The following SBF2 variants were observed in gnomAD, a reference collection of about 807,000 sequenced individuals.
SBF2 encodes myotubularin-related protein 13.
A neutral mutation model predicts 225.2 loss-of-function variants in SBF2; 112 were observed. The ratio of observed to expected loss-of-function variants is 0.50; its 90% CI spans 0.43 to 0.58. The LOEUF (loss-of-function observed/expected upper bound fraction) is 0.58, where lower values mean the gene tolerates loss of function less well. Among genes scored for constraint, SBF2 ranks in the 20% least tolerant of loss-of-function variants. The pLI, the probability that SBF2 is intolerant of heterozygous loss-of-function variation, is 0.00. For missense variants in SBF2, 1,996 were observed against 2,206.2 expected, an observed-to-expected ratio of 0.90 and a Z score of 1.91; for synonymous variants, 763 against 773.3, an observed-to-expected ratio of 0.99 and a Z score of 0.22.
chr11:10,193,023 A>G (rs1235177437), intron 2 of SBF2, among the ~76,000 whole-genome samples: 1 of 152,210 alleles, frequency 6.6e-6, no homozygotes, highest in Non-Finnish European at 1.5e-5. Context: ...CAACCAATAA[A>G]TTCCTTTAAA....
intron 17 of SBF2, among the ~76,000 whole-genome samples, chr11:9,868,366 A>AAAAAAAAAAAAAAG (rs1554933292): frequency 1.7e-4 from 20 of 114,920 alleles, no homozygotes; most frequent in South Asian, 2.8e-4. Context: ...AAAAAAAAAA[A>AAAAAAAAAAAAAAG]AATTAGGCGG....
At chr11:9,817,172 A>C in intron 28 of SBF2, 148 bp from the exon 29 acceptor site, 1 of 795,620 alleles carries the variant, frequency 1.3e-6, no homozygotes, top group African/African-American at 1.7e-5. Context: ...GTCATTTGCT[A>C]CTTCTGTAAC....
At chr11:10,167,666 T>C (rs886189380) in intron 2 of SBF2, among the ~76,000 whole-genome samples, 2 of 152,240 alleles carry the variant, frequency 1.3e-5, no homozygotes, top group African/African-American at 4.8e-5. Flanking sequence ...CCTAGATCAT[T>C]TGCTTTTCTT....
At position 10,249,099 on chromosome 11, in the gene SBF2, A is replaced by C. The variant is rs971851934; in HGVS notation, c.55+44916T>G. On this transcript the variant is annotated intron_variant, in intron 1 of 39. Coordinates refer to ENST00000256190, the MANE Select transcript of SBF2 (RefSeq NM_030962.4). Reference sequence around the variant, plus strand: ...TGACAGAGCAAGACTCCGTCTCAACAAAAAAAAAAAAGAAAGAAATTCTAT... The same window carrying C: ...TGACAGAGCAAGACTCCGTCTCAACCAAAAAAAAAAAGAAAGAAATTCTAT... Among the ~76,000 whole-genome samples, 3 of 116,932 alleles carry C rather than the reference A, an allele frequency of 2.6e-5. No homozygotes were observed. The South Asian group carries it at 7.4e-4, about 29-fold the overall frequency. 76.7% of individuals were successfully genotyped at this position (116,932 alleles called of 152,430 possible).
In SBF2 at chr11:10,012,180, C is replaced by G. The variant is rs974038427; in HGVS notation, c.620-9491G>C. ...ATTTATTTTGAGAAAGGGTCTTACT[C>G]TGTTGCTCAGGCTGTAGTGCAGTGG... On this transcript the variant is annotated intron_variant, in intron 6 of 39. Transcript: ENST00000256190. Among the ~76,000 whole-genome samples, 4 of 152,176 alleles carry G rather than the reference C, an allele frequency of 2.6e-5. No individual in the cohort carries two copies. In the East Asian group the frequency reaches 7.7e-4, roughly 29 times the overall value.
chr11:10,270,184 G>T (rs1325290728), intron 1 of SBF2, among the ~76,000 whole-genome samples: 2 of 151,834 alleles, frequency 1.3e-5, no homozygotes, highest in African/African-American at 4.8e-5. Context: ...ATACAAAGTT[G>T]TCCCTGGAAT....
At position 9,829,613 on chromosome 11, in the gene SBF2, A is replaced by C; in HGVS notation, c.3653-117T>G. The C allele has an allele frequency of 6.7e-6, 6 of 892,416 alleles. 1 individual carries two copies. The South Asian group carries it at 8.7e-5, about 13-fold the overall frequency. 55.3% of individuals were successfully genotyped at this position (892,416 alleles called of 1,614,324 possible). Reference sequence around the variant, plus strand: ...GCTTATTTTTCTCTATATAGTCTACAAGTTACCACACCCAAATATAGAAAC... The same window carrying C: ...GCTTATTTTTCTCTATATAGTCTACCAGTTACCACACCCAAATATAGAAAC... On this transcript the variant is annotated intron_variant, in intron 27 of 39. Coordinates refer to ENST00000256190, the MANE Select transcript of SBF2 (RefSeq NM_030962.4).
chr11:10,204,924 C>T (rs918465604), intron 1 of SBF2, among the ~76,000 whole-genome samples: 2 of 151,268 alleles, frequency 1.3e-5, no homozygotes, highest in African/African-American at 2.4e-5. Context: ...GTGGTGATGT[C>T]GCATGTTCCC....
At chr11:10,222,930 A>C (rs1958393864) in intron 1 of SBF2, among the ~76,000 whole-genome samples, 1 of 152,072 alleles carries the variant, frequency 6.6e-6, no homozygotes, top group Admixed American at 6.6e-5. Flanking sequence ...AATGAGTTTC[A>C]ATAACCTTAT....
At chr11:10,045,781 A>G (rs1380050417) in intron 2 of SBF2, among the ~76,000 whole-genome samples, 1 of 152,230 alleles carries the variant, frequency 6.6e-6, no homozygotes, top group Non-Finnish European at 1.5e-5. Flanking sequence ...GACAATCAGC[A>G]TAGTCCTATA....
chr11:9,851,066 G>T (rs534846036), intron 21 of SBF2, among the ~76,000 whole-genome samples: 1 of 151,358 alleles, frequency 6.6e-6, no homozygotes, highest in African/African-American at 2.4e-5. Context: ...AACCTGGGAG[G>T]GGGAGGTTGC....
Position 10,172,388 on chromosome 11 carries a change from T to A in SBF2, c.141+21514A>T, listed in dbSNP as rs1443011869. On this transcript the variant is annotated intron_variant, in intron 2 of 39. Coordinates refer to ENST00000256190, the MANE Select transcript of SBF2 (RefSeq NM_030962.4). ...TTTTTTTTGAGAAGGAGTCTTGCTC[T>A]GTCTCCCAGGATGAAGCACAATGGC... Among the ~76,000 whole-genome samples the A allele has an allele frequency of 2.6e-5, 4 of 152,164 alleles. No homozygotes were observed. The South Asian group carries it at 8.3e-4, about 32-fold the overall frequency.
At chr11:9,795,730 A>C in intron 33 of SBF2, 101 bp downstream of exon 33, 2 of 1,424,370 alleles carry the variant, frequency 1.4e-6, no homozygotes, top group Non-Finnish European at 2.0e-6. Flanking sequence ...TTAAACCTTA[A>C]CTCAGCTTGT....
chr11:10,223,334 A>G (rs950075583), intron 1 of SBF2, among the ~76,000 whole-genome samples: 2 of 146,202 alleles, frequency 1.4e-5, no homozygotes, highest in African/African-American at 2.5e-5. Flanking sequence ...CTCTTCAACA[A>G]CTTAGCTACT....
chr11:9,864,025 A>C (rs1393444395), intron 17 of SBF2, among the ~76,000 whole-genome samples: 4 of 152,210 alleles, frequency 2.6e-5, no homozygotes, highest in African/African-American at 9.6e-5. Flanking sequence ...ATCAGGAACA[A>C]AACACAACTG....
chr11:10,152,442 G>A (rs1033427665), intron 2 of SBF2, among the ~76,000 whole-genome samples: 9 of 151,952 alleles, frequency 5.9e-5, no homozygotes, highest in East Asian at 1.9e-4. Context: ...CCAGCTGGTC[G>A]GGAGGCTGAG....
intron 1 of SBF2, among the ~76,000 whole-genome samples, chr11:10,231,979 T>G (rs1018684906): frequency 6.6e-6 from 1 of 152,202 alleles, no homozygotes; most frequent in African/African-American, 2.4e-5. Flanking sequence ...CCCGGCCGCT[T>G]TGTTTACCTA....
chr11:10,049,300 T>A lies in SBF2; in HGVS notation c.142-6319A>T, dbSNP rs562536212. ...TTTGTTATTTAAAAGTGGGTAAATT[T>A]AAAAAAAAATTTTATTTTAGTTGTG... On this transcript the variant is annotated intron_variant, in intron 2 of 39. Transcript: ENST00000256190. 4.3e-3 allele frequency among the ~76,000 whole-genome samples: 647 copies of A among 152,118 alleles called. 8 individuals are homozygous for A. The highest frequency in any genetic ancestry group is 6.4e-3 in the Non-Finnish European group (435 of 67,962).
intron 2 of SBF2, among the ~76,000 whole-genome samples, chr11:10,052,972 C>T (rs1272777718): frequency 2.0e-5 from 3 of 152,054 alleles, no homozygotes; most frequent in Non-Finnish European, 4.4e-5. Context: ...TAACATGTAA[C>T]ATTTCCTAGC....
Sources: gnomAD v4.1 joint callset for allele counts (sites outside exome capture counted in the v4.1 genomes callset) on GRCh38, gnomAD v4.1.1 for gene constraint, MANE v1.5 for transcripts, NCBI Gene and HGNC (gene_info 2026-07-23, HGNC 2026-07-21) for gene names.